Variants in ARIH2 observed in about 807,000 individuals in gnomAD.
ARIH2 encodes E3 ubiquitin-protein ligase ARIH2.
Under a neutral mutation model 79.8 loss-of-function variants are expected in ARIH2, and 12 were observed. The observed-to-expected ratio is 0.15, with a 90% CI of 0.10 to 0.24. The LOEUF is 0.24. ARIH2 is among the 10% of genes least tolerant of loss of function. The pLI is 1.00. For synonymous variants in ARIH2, 224 were observed against 213.9 expected, an observed-to-expected ratio of 1.05 and a Z score of -0.41; for missense variants, 301 against 618.3, an observed-to-expected ratio of 0.49 and a Z score of 5.44.
chr3:48,920,099 C>G (rs2084588133), intron 1 of ARIH2, among the ~76,000 whole-genome samples: 1 of 151,344 alleles, frequency 6.6e-6, no homozygotes, highest in South Asian at 2.1e-4. Flanking sequence ...CCTTTCTTAG[C>G]CTCCTAAGTA....
chr3:48,919,421 A>G (rs1463136708), intron 1 of ARIH2: 4 of 336,928 alleles, frequency 1.2e-5, no homozygotes, highest in Non-Finnish European at 2.2e-5. Context: ...GTCCGCGCGA[A>G]TATCCCGGAG....
chr3:48,923,185 C>G (rs1294479660), intron 2 of ARIH2, among the ~76,000 whole-genome samples: 1 of 150,208 alleles, frequency 6.7e-6, no homozygotes, highest in Non-Finnish European at 1.5e-5. Flanking sequence ...CCAGCCTGGG[C>G]GACAGAGCGA....
At chr3:48,970,735 TG>T (rs1244287343) in intron 8 of ARIH2, 31 bp downstream of exon 8, 1 of 1,536,266 alleles carries the variant, frequency 6.5e-7, no homozygotes, top group Non-Finnish European at 9.0e-7. Context: ...TGAGCAGCCC[TG>T]GGCTCATGCC....
chr3:48,954,741 A>T (rs1168264610), intron 3 of ARIH2, among the ~76,000 whole-genome samples: 1 of 152,162 alleles, frequency 6.6e-6, no homozygotes, highest in Non-Finnish European at 1.5e-5. Flanking sequence ...AATGAATGGT[A>T]CCCTTTTTGG....
Position 48,927,796 on chromosome 3 carries a change from T to C in ARIH2, c.238T>C (p.Leu80=), listed in dbSNP as rs140181700. The change falls in exon 3 of 16, where the codon TTA becomes CTA. Residue 80 remains leucine (L), a synonymous_variant. Transcript: ENST00000356401. ...TGCCCTCAATGAGCACATGACCAGC[T>C]TAGCTTCTGTCCTAAAGGTGAGCAG... ...EGALNEHMTS[L]ASVLKVSHSV... 53 of 1,614,038 alleles carry C rather than the reference T, an allele frequency of 3.3e-5. No homozygotes were observed. Among genetic ancestry groups the C allele is most frequent in the Non-Finnish European group, 4.2e-5 (50 of 1,180,008 alleles).
At chr3:48,944,050 C>G (rs530194433) in intron 3 of ARIH2, among the ~76,000 whole-genome samples, 1 of 152,270 alleles carries the variant, frequency 6.6e-6, no homozygotes, top group African/African-American at 2.4e-5. Context: ...ATGTGGCATT[C>G]CCCTGGAAGT....
At chr3:48,979,045 T>G (rs1458067369) in intron 11 of ARIH2, among the ~76,000 whole-genome samples, 1 of 152,196 alleles carries the variant, frequency 6.6e-6, no homozygotes, top group African/African-American at 2.4e-5. Context: ...TAGTTTCATA[T>G]ACAAAAATCT....
At chr3:48,966,200 C>A (rs762841386) in intron 5 of ARIH2, among the ~76,000 whole-genome samples, 2 of 152,164 alleles carry the variant, frequency 1.3e-5, no homozygotes, top group Non-Finnish European at 2.9e-5. Context: ...TAAAATAGAT[C>A]TTGGAAGGCA....
In ARIH2 at chr3:48,968,554, G is replaced by A. The variant is rs760428061; in HGVS notation, c.559G>A (p.Asp187Asn). The A allele has an allele frequency of 6.2e-7, 1 of 1,610,678 alleles. No individual in the cohort carries two copies. Among genetic ancestry groups the A allele is most frequent in the South Asian group, 1.1e-5 (1 of 91,032 alleles). The change falls in exon 7 of 16, where the codon GAC (aspartate) becomes AAC (asparagine). Residue 187 changes from aspartate to asparagine, a missense_variant. By Grantham distance (23) the Asp-to-Asn change is conservative. This residue lies in a region of ARIH2 where 223 missense variants were observed against 349.4 expected (regional missense o/e 0.64). Transcript: ENST00000356401. The part of the protein sequence containing the change: ...VGVGVSCMAQ[D>N]CPLRTPEDFV... ...AACAGGAGTCTCTTGCATGGCTCAG[G>A]ACTGTCCACTCCGTACACCAGAGGA...
chr3:48,974,403 T>G (rs777208993), intron 9 of ARIH2, among the ~76,000 whole-genome samples: 4 of 152,136 alleles, frequency 2.6e-5, no homozygotes, highest in Non-Finnish European at 5.9e-5. Context: ...ATGGGAGAGA[T>G]GAGCTTTAGA....
intron 3 of ARIH2, among the ~76,000 whole-genome samples, chr3:48,950,371 G>T (rs1212801190): frequency 1.3e-5 from 2 of 151,836 alleles, no homozygotes; most frequent in African/African-American, 2.4e-5. Context: ...AATGATGTCT[G>T]TTGAGTAAAA....
chr3:48,985,245 T>G lies in ARIH2; in HGVS notation c.*1975T>G, dbSNP rs1022583857. ...CTGTACTTGTGTCCAGCTGTGGCCC[T>G]GGATGCTGGAGCTGGAGGGTTTTCT... On this transcript the variant is annotated 3_prime_UTR_variant, in exon 16 of 16. Transcript: ENST00000356401. The G allele has an allele frequency of 2.0e-5, 3 of 152,298 alleles. No individual in the cohort carries two copies. The highest frequency in any genetic ancestry group is 6.5e-5 in the Admixed American group (1 of 15,270). 9.4% of individuals were successfully genotyped at this position (152,298 alleles called of 1,614,324 possible).
chr3:48,935,254 A>G lies in ARIH2; in HGVS notation c.255+7441A>G, dbSNP rs149893874. On this transcript the variant is annotated intron_variant, in intron 3 of 15. Coordinates refer to ENST00000356401, the MANE Select transcript of ARIH2 (RefSeq NM_006321.4). Reference sequence around the variant, plus strand: ...ATAACTGTAAACAAAACAGACAAAAATCTCTGCCCTGGTAGACATTGCATT... The same window carrying G: ...ATAACTGTAAACAAAACAGACAAAAGTCTCTGCCCTGGTAGACATTGCATT... Among the ~76,000 whole-genome samples, 18 of 152,340 alleles carry G rather than the reference A, an allele frequency of 1.2e-4. No individual in the cohort carries two copies. The East Asian group carries it at 2.5e-3, about 21-fold the overall frequency.
chr3:48,924,351 AATT>A (rs893049798), intron 2 of ARIH2, among the ~76,000 whole-genome samples: 19 of 150,388 alleles, frequency 1.3e-4, no homozygotes, highest in African/African-American at 2.9e-4. Context: ...TATTTACCTG[AATT>A]ATTATTATTA....
At chr3:48,951,121 C>T (rs773100479) in intron 3 of ARIH2, among the ~76,000 whole-genome samples, 11 of 151,944 alleles carry the variant, frequency 7.2e-5, no homozygotes, top group Non-Finnish European at 1.2e-4. Context: ...TGTCACCATG[C>T]CCAGCTAATT....
At position 48,964,988 on chromosome 3, in the gene ARIH2, T is replaced by C; in HGVS notation, c.387+6T>C. On this transcript the variant is annotated splice_donor_region_variant and intron_variant, in intron 5 of 15. Transcript: ENST00000356401. ...AGCCTAATCCATCAAAACATGTGAGTGTCTATTACTTGAATGAGGCTTCTC... is the reference window on the plus strand; with the variant it reads ...AGCCTAATCCATCAAAACATGTGAGCGTCTATTACTTGAATGAGGCTTCTC... 1 of 1,611,918 alleles carries C rather than the reference T, an allele frequency of 6.2e-7. No individual in the cohort carries two copies. The highest frequency in any genetic ancestry group is 8.5e-7 in the Non-Finnish European group (1 of 1,178,442).
chr3:48,939,483 C>A (rs1029597227), intron 3 of ARIH2, among the ~76,000 whole-genome samples: 2 of 144,650 alleles, frequency 1.4e-5, no homozygotes, highest in Non-Finnish European at 3.0e-5. Context: ...ATTAGCTGGG[C>A]GCGGTGACTC....
intron 3 of ARIH2, among the ~76,000 whole-genome samples, chr3:48,956,928 G>T (rs976188084): frequency 3.9e-5 from 6 of 151,912 alleles, no homozygotes; most frequent in African/African-American, 9.7e-5. Context: ...AACTTAGCTG[G>T]TCTCAAACTC....
At chr3:48,950,276 A>G (rs575761487) in intron 3 of ARIH2, among the ~76,000 whole-genome samples, 12 of 151,900 alleles carry the variant, frequency 7.9e-5, no homozygotes, top group East Asian at 3.9e-4. Flanking sequence ...GTTTTGTTCT[A>G]TTGATCTATA....
Sources: gnomAD v4.1 joint callset for allele counts (sites outside exome capture counted in the v4.1 genomes callset) on GRCh38, gnomAD v4.1.1 for gene constraint, gnomAD v4.1.1 regional missense constraint, MANE v1.5 for transcripts, NCBI Gene and HGNC (gene_info 2026-07-23, HGNC 2026-07-21) for gene names.